THRB: variants seen among roughly 807,000 people sequenced by gnomAD.
The protein encoded by THRB is nuclear receptor subfamily 1 group A member 2.
Under a neutral mutation model 47.8 loss-of-function variants are expected in THRB, and 12 were observed. The ratio of observed to expected loss-of-function variants is 0.25; its 90% CI spans 0.16 to 0.41. THRB has a LOEUF of 0.41. THRB is among the 10% of genes least tolerant of loss of function. THRB has a pLI of 1.00. For synonymous variants in THRB, 218 were observed against 212.2 expected (o/e 1.03, Z -0.24); for missense variants, 348 against 589.2 (o/e 0.59, Z 4.24).
At chr3:24,228,188 C>G (rs1360684124) in intron 4 of THRB, among the ~76,000 whole-genome samples, 1 of 152,094 alleles carries the variant, frequency 6.6e-6, no homozygotes, top group African/African-American at 2.4e-5. Context: ...TTTGTCATCA[C>G]TGGTGTTATC....
chr3:24,215,661 C>G (rs951750956), intron 4 of THRB, among the ~76,000 whole-genome samples: 1 of 152,192 alleles, frequency 6.6e-6, no homozygotes, highest in African/African-American at 2.4e-5. Context: ...TTATCAAAAT[C>G]TGCATACTCC....
intron 3 of THRB, among the ~76,000 whole-genome samples, chr3:24,236,816 C>T (rs1047139483): frequency 6.6e-6 from 1 of 152,130 alleles, no homozygotes; most frequent in African/African-American, 2.4e-5. Context: ...CTGAGTGCAG[C>T]CCCAGTTATC....
chr3:24,429,817 G>T (rs2070181730), intron 1 of THRB, among the ~76,000 whole-genome samples: 1 of 152,018 alleles, frequency 6.6e-6, no homozygotes, highest in Non-Finnish European at 1.5e-5. Context: ...CCCGGACTCA[G>T]ATGAAATTTA....
intron 1 of THRB, among the ~76,000 whole-genome samples, chr3:24,376,633 C>T (rs1279105390): frequency 6.4e-5 from 8 of 125,272 alleles, no homozygotes. Context: ...TCTCAAGATT[C>T]AGCTGAGACT....
At chr3:24,230,768 C>T (rs1400495842) in intron 3 of THRB, among the ~76,000 whole-genome samples, 4 of 152,184 alleles carry the variant, frequency 2.6e-5, no homozygotes, top group Non-Finnish European at 5.9e-5. Context: ...GACTGTGCCC[C>T]ACCTCTGGCA....
Position 24,119,921 on chromosome 3 carries a change from G to A in THRB, c.*2963C>T, listed in dbSNP as rs1036463408. 1.3e-5 allele frequency: 2 copies of A among 152,256 alleles called. No individual in the cohort carries two copies. Among genetic ancestry groups the A allele is most frequent in the African/African-American group, 4.8e-5 (2 of 41,426 alleles). The allele number at this position is 152,256 out of a possible 1,614,324, so 9.4% of individuals were successfully genotyped here. A position where few individuals can be genotyped will look rare whatever the true frequency, so the allele number is the denominator to read the frequency against. On this transcript the variant is annotated 3_prime_UTR_variant, in exon 11 of 11. Transcript: ENST00000646209. Reference sequence around the variant, plus strand: ...CCCCACACCGCTCATCCCTAAAAGGGAAGTGATTTATAAATACAAATCCCA... The same window carrying A: ...CCCCACACCGCTCATCCCTAAAAGGAAAGTGATTTATAAATACAAATCCCA...
intron 3 of THRB, among the ~76,000 whole-genome samples, chr3:24,249,224 T>C (rs957592212): frequency 6.6e-6 from 1 of 152,188 alleles, no homozygotes; most frequent in Non-Finnish European, 1.5e-5. Flanking sequence ...ATTCTTATTT[T>C]TTTTTGCATA....
intron 6 of THRB, among the ~76,000 whole-genome samples, chr3:24,151,298 A>G (rs2036896117): frequency 6.6e-6 from 1 of 152,198 alleles, no homozygotes; most frequent in African/African-American, 2.4e-5. Context: ...GAAAAGGAAA[A>G]CACCTTAATT....
At chr3:24,192,280 C>T (rs1205361712) in intron 4 of THRB, among the ~76,000 whole-genome samples, 1 of 152,010 alleles carries the variant, frequency 6.6e-6, no homozygotes, top group African/African-American at 2.4e-5. Context: ...TTTTCATGAG[C>T]TAAATATAAA....
chr3:24,153,695 C>A (rs2037363672), intron 5 of THRB, among the ~76,000 whole-genome samples: 1 of 152,134 alleles, frequency 6.6e-6, no homozygotes, highest in African/African-American at 2.4e-5. Context: ...TCATTCTCCC[C>A]TCTATCAATG....
chr3:24,427,513 C>T (rs778866724), intron 1 of THRB, among the ~76,000 whole-genome samples: 10 of 151,872 alleles, frequency 6.6e-5, no homozygotes, highest in Admixed American at 2.0e-4. Flanking sequence ...TGAATGGATG[C>T]TTAGCAAATA....
intron 4 of THRB, among the ~76,000 whole-genome samples, chr3:24,200,896 T>A (rs2044515392): frequency 6.6e-6 from 1 of 152,188 alleles, no homozygotes; most frequent in African/African-American, 2.4e-5. Flanking sequence ...AGAATACTTT[T>A]AAATACACCA....
At chr3:24,158,750 G>A (rs887898735) in intron 5 of THRB, among the ~76,000 whole-genome samples, 4 of 152,106 alleles carry the variant, frequency 2.6e-5, no homozygotes, top group African/African-American at 9.7e-5. Flanking sequence ...TTTCTTCATG[G>A]AAGTGAGAAG....
chr3:24,141,212 A>G (rs1444686862), intron 8 of THRB, among the ~76,000 whole-genome samples: 2 of 152,246 alleles, frequency 1.3e-5, no homozygotes, highest in African/African-American at 4.8e-5. Context: ...ATTCTGTGCC[A>G]TAGATTCTTT....
Position 24,146,684 on chromosome 3 carries a change from C to A in THRB, c.523G>T (p.Ala175Ser). ...RFKKCIYVGM[A>S]TDLVLDDSKR... ...GTGAAGATCTACTTACAATCTGTTG[C>A]CATGCCAACATAGATGCATTTCTTA... The change falls in exon 7 of 11, where the codon GCA becomes TCA. Residue 175 changes from alanine (A) to serine (S), a missense_variant. This residue lies in a region of THRB where 112 missense variants were observed against 212.3 expected (regional missense o/e 0.53). Transcript: ENST00000646209. 1 of 1,614,050 alleles carries A rather than the reference C, an allele frequency of 6.2e-7. No homozygotes were observed. The highest frequency in any genetic ancestry group is 1.3e-5 in the African/African-American group (1 of 75,058).
chr3:24,384,008 G>C lies in THRB; in HGVS notation c.-260-46637C>G, dbSNP rs569125273. Among the ~76,000 whole-genome samples the C allele has an allele frequency of 2.6e-5, 4 of 152,150 alleles. No individual in the cohort carries two copies. In the South Asian group the frequency reaches 6.2e-4, roughly 24 times the overall value. On this transcript the variant is annotated intron_variant, in intron 1 of 10. Coordinates refer to ENST00000646209, the MANE Select transcript of THRB (RefSeq NM_001354712.2). ...TTAATAACTTAAGGGATCTTTCTTG[G>C]TCTCGATTTCTACTTAACTTACCGG...
chr3:24,331,809 C>G (rs2061948745), intron 2 of THRB, among the ~76,000 whole-genome samples: 1 of 152,124 alleles, frequency 6.6e-6, no homozygotes. Context: ...TCTCCTATCC[C>G]TGATACCATG....
chr3:24,379,503 G>A (rs1196631984), intron 1 of THRB, among the ~76,000 whole-genome samples: 1 of 152,038 alleles, frequency 6.6e-6, no homozygotes, highest in African/African-American at 2.4e-5. Context: ...GAATGTGTTT[G>A]GGTGTTTGTT....
intron 2 of THRB, among the ~76,000 whole-genome samples, chr3:24,298,973 C>G (rs549715184): frequency 1.3e-5 from 2 of 151,906 alleles, no homozygotes; most frequent in South Asian, 4.2e-4. Context: ...TCAGGCCGGG[C>G]GCGGTGGCTC....
Sources: allele counts gnomAD v4.1 joint callset (sites outside exome capture counted in the v4.1 genomes callset), GRCh38; gene constraint gnomAD v4.1.1; regional missense constraint gnomAD v4.1.1; transcripts MANE v1.5; gene names NCBI Gene and HGNC (gene_info 2026-07-23, HGNC 2026-07-21).